The following TTLL1 variants were observed in gnomAD, a reference collection of about 807,000 sequenced individuals.
The protein encoded by TTLL1 is TTL family tubulin polyglutamylase complex subunit L1, also known as polyglutamylase complex subunit TTLL1.
In TTLL1, 33 loss-of-function variants were observed where a neutral mutation model predicts 47.8. That is an observed-to-expected ratio of 0.69 (90% CI 0.52 to 0.92). The LOEUF is 0.92. TTLL1 is among the 40% of genes least tolerant of loss of function. The pLI is 0.00. For missense variants in TTLL1, 488 were observed against 547.5 expected, an observed-to-expected ratio of 0.89 and a Z score of 1.08; for synonymous variants, 225 against 214.1, an observed-to-expected ratio of 1.05 and a Z score of -0.45.
intron 2 of TTLL1, among the ~76,000 whole-genome samples, chr22:43,076,326 C>T (rs368060770): frequency 1.3e-5 from 2 of 152,142 alleles, no homozygotes; most frequent in East Asian, 3.9e-4. Context: ...TGTGGTTGTG[C>T]GCACCCGTAA....
chr22:43,073,068 G>T (rs1273421498), intron 3 of TTLL1, among the ~76,000 whole-genome samples: 1 of 151,296 alleles, frequency 6.6e-6, no homozygotes, highest in Admixed American at 6.6e-5. Flanking sequence ...AGGCTGGAGT[G>T]CAGTGGTGCG....
intron 10 of TTLL1, among the ~76,000 whole-genome samples, chr22:43,043,674 C>G (rs1042381823): frequency 6.6e-6 from 1 of 152,122 alleles, no homozygotes; most frequent in Non-Finnish European, 1.5e-5. Context: ...CTCTAATGGG[C>G]TCCTGCGAGA....
chr22:43,062,500 AAAAG>A (rs1927452238), intron 7 of TTLL1, among the ~76,000 whole-genome samples: 1 of 141,208 alleles, frequency 7.1e-6, no homozygotes, highest in African/African-American at 2.5e-5. Context: ...TTAAAAAAAA[AAAAG>A]AAAAGAAAAG....
intron 1 of TTLL1, among the ~76,000 whole-genome samples, chr22:43,088,324 CTTTTTTTTT>C (rs1167618669): frequency 6.6e-4 from 37 of 56,486 alleles, no homozygotes; most frequent in African/African-American, 2.6e-3. Flanking sequence ...AAGGGCCCAT[CTTTTTTTTT>C]TTTTTTTTTT....
chr22:43,064,568 G>GAAA (rs1227112741), intron 5 of TTLL1, among the ~76,000 whole-genome samples: 1 of 150,350 alleles, frequency 6.7e-6, no homozygotes, highest in Non-Finnish European at 1.5e-5. Context: ...CTGCTAAAAA[G>GAAA]AAAAAAAATT....
rs1252127617 is a variant in TTLL1 at position 43,039,769 on chromosome 22, G to C, written c.*7C>G. Reference sequence around the variant, plus strand: ...AGTGAGTAGTTTTGATAAGGTCCAGGTGGGACTCACTTCCAGGTGGTGAGG... The same window carrying C: ...AGTGAGTAGTTTTGATAAGGTCCAGCTGGGACTCACTTCCAGGTGGTGAGG... On this transcript the variant is annotated 3_prime_UTR_variant, in exon 11 of 11. Coordinates refer to ENST00000266254, the MANE Select transcript of TTLL1 (RefSeq NM_012263.5). The C allele has an allele frequency of 6.2e-7, 1 of 1,608,252 alleles. No homozygotes were observed. Among genetic ancestry groups the C allele is most frequent in the Admixed American group, 1.7e-5 (1 of 59,484 alleles).
intron 10 of TTLL1, among the ~76,000 whole-genome samples, chr22:43,043,658 T>C (rs539213322): frequency 1.3e-5 from 2 of 152,070 alleles, no homozygotes; most frequent in South Asian, 4.2e-4. Flanking sequence ...CCACTTCCCC[T>C]TCCTGCTCTA....
intron 5 of TTLL1, among the ~76,000 whole-genome samples, chr22:43,066,665 T>C (rs1298190622): frequency 1.3e-5 from 2 of 149,540 alleles, no homozygotes; most frequent in Non-Finnish European, 3.0e-5. Context: ...GAGGTTGCAG[T>C]GAGCCATGAT....
At chr22:43,054,826 C>T (rs1029331541) in intron 8 of TTLL1, among the ~76,000 whole-genome samples, 16 of 146,736 alleles carry the variant, frequency 1.1e-4, no homozygotes, top group African/African-American at 4.0e-4. Context: ...CCCGGGTTCA[C>T]GCCATTCTCC....
intron 4 of TTLL1, among the ~76,000 whole-genome samples, chr22:43,069,035 A>G (rs546105161): frequency 6.6e-5 from 10 of 152,090 alleles, no homozygotes; most frequent in Non-Finnish European, 1.2e-4. Flanking sequence ...CTGTGGCTCA[A>G]GAAGTATTTC....
At chr22:43,046,342 A>C (rs1184717011) in intron 10 of TTLL1, 68 bp downstream of exon 10, 1 of 1,573,140 alleles carries the variant, frequency 6.4e-7, no homozygotes, top group Non-Finnish European at 8.7e-7. Flanking sequence ...CCAGAAATCC[A>C]AGCTGGGCTA....
chr22:43,060,567 T>C (rs1170138807), intron 7 of TTLL1, among the ~76,000 whole-genome samples: 2 of 152,202 alleles, frequency 1.3e-5, no homozygotes, highest in African/African-American at 4.8e-5. Flanking sequence ...AAGACGCCAT[T>C]ATCATCCCAT....
chr22:43,047,618 AC>A (rs1203020082), intron 9 of TTLL1, among the ~76,000 whole-genome samples: 2 of 151,920 alleles, frequency 1.3e-5, no homozygotes, highest in Non-Finnish European at 2.9e-5. Flanking sequence ...ACAGGCATGC[AC>A]CACCACGCCT....
At chr22:43,071,089 A>AT (rs892822157) in intron 3 of TTLL1, among the ~76,000 whole-genome samples, 10 of 151,284 alleles carry the variant, frequency 6.6e-5, no homozygotes, top group African/African-American at 1.7e-4. Flanking sequence ...AATTTTTATA[A>AT]TTTTTTTTGT....
chr22:43,049,127 A>G (rs1334539620), intron 9 of TTLL1, among the ~76,000 whole-genome samples: 2 of 151,100 alleles, frequency 1.3e-5, no homozygotes, highest in Non-Finnish European at 2.9e-5. Context: ...GCCCCCTGAA[A>G]CAAGAAAAAA....
chr22:43,061,239 C>CTGAT (rs10641882), intron 7 of TTLL1, among the ~76,000 whole-genome samples: 19,316 of 152,148 alleles, frequency 0.13, 1,723 homozygotes, highest in East Asian at 0.41. Context: ...ATTTGTAAAA[C>CTGAT]TGATGCTTGC....
intron 10 of TTLL1, among the ~76,000 whole-genome samples, chr22:43,044,521 TCTTC>T (rs1925949338): frequency 6.6e-6 from 1 of 152,164 alleles, no homozygotes; most frequent in Non-Finnish European, 1.5e-5. Flanking sequence ...ACTAAATATT[TCTTC>T]CTTTGTTTTT....
Position 43,076,780 on chromosome 22 carries a change from A to C in TTLL1, c.-4-1190T>G, listed in dbSNP as rs1158525524. 3.4e-5 allele frequency among the ~76,000 whole-genome samples: 5 copies of C among 148,852 alleles called. No homozygotes were observed. The East Asian group carries it at 5.9e-4, about 18-fold the overall frequency. On this transcript the variant is annotated intron_variant, in intron 2 of 10. Coordinates refer to ENST00000266254, the MANE Select transcript of TTLL1 (RefSeq NM_012263.5). ...TAATAATAATAATAATAAATCAAAT[A>C]AAATAAAAATAAAATAATTTTTTAA...
At chr22:43,055,018 C>G (rs1926906562) in intron 8 of TTLL1, among the ~76,000 whole-genome samples, 1 of 151,280 alleles carries the variant, frequency 6.6e-6, no homozygotes, top group Admixed American at 6.6e-5. Flanking sequence ...GCCACCGCAC[C>G]CAGCCCCTTC....
Sources: gnomAD v4.1 joint callset for allele counts (sites outside exome capture counted in the v4.1 genomes callset) on GRCh38, gnomAD v4.1.1 for gene constraint, MANE v1.5 for transcripts, NCBI Gene and HGNC (gene_info 2026-07-23, HGNC 2026-07-21) for gene names.